Variants in CSGALNACT1 observed in about 807,000 individuals in gnomAD.
CSGALNACT1 encodes the protein beta4GalNAcT-1.
Under a neutral mutation model 51.0 loss-of-function variants are expected in CSGALNACT1, and 52 were observed. The observed-to-expected ratio is 1.02, with a 90% CI of 0.82 to 1.29. The LOEUF is 1.29. Ranked by LOEUF, CSGALNACT1 falls within the 50% of genes most tolerant of loss-of-function variation. The pLI, the probability that CSGALNACT1 is intolerant of heterozygous loss-of-function variation, is 0.00. For missense variants in CSGALNACT1, 935 were observed against 679.2 expected (o/e 1.38, Z -4.19); for synonymous variants, 341 against 254.4 (o/e 1.34, Z -3.24).
At chr8:19,598,270 T>C (rs1314712701) in intron 2 of CSGALNACT1, among the ~76,000 whole-genome samples, 3 of 152,206 alleles carry the variant, frequency 2.0e-5, no homozygotes, top group African/African-American at 7.2e-5. Context: ...CGGATACCCA[T>C]TCATGTGCCA....
intron 1 of CSGALNACT1, among the ~76,000 whole-genome samples, chr8:19,651,886 G>A (rs2057833376): frequency 6.6e-6 from 1 of 150,972 alleles, no homozygotes. Context: ...CAATTAATGT[G>A]TTTCCTTTTC....
At chr8:19,572,088 G>A (rs1349115504) in intron 3 of CSGALNACT1, among the ~76,000 whole-genome samples, 1 of 152,148 alleles carries the variant, frequency 6.6e-6, no homozygotes, top group Admixed American at 6.5e-5. Context: ...GAACAGCAAA[G>A]TCTGCCAGTC....
At chr8:19,532,491 A>C (rs1205139625) in intron 3 of CSGALNACT1, among the ~76,000 whole-genome samples, 1 of 152,198 alleles carries the variant, frequency 6.6e-6, no homozygotes, top group Non-Finnish European at 1.5e-5. Context: ...TCATGACAAA[A>C]GAGCTCCCTA....
At chr8:19,688,529 G>T (rs1024179584) in intron 1 of CSGALNACT1, among the ~76,000 whole-genome samples, 2 of 152,122 alleles carry the variant, frequency 1.3e-5, no homozygotes. Context: ...TGCTGTGCCA[G>T]GAGCCCTGCA....
At position 19,568,429 on chromosome 8, in the gene CSGALNACT1, T is replaced by A. The variant is rs538667971; in HGVS notation, c.-297+22731A>T. Among the ~76,000 whole-genome samples the A allele has an allele frequency of 5.5e-4, 83 of 152,290 alleles. 1 individual carries two copies. Among genetic ancestry groups the A allele is most frequent in the East Asian group, 5.0e-3 (26 of 5,184 alleles). ...ATGTGATTCATCATTGACCCAGACA[T>A]CATTATGCGGTGCATGGCTGTATAA... On this transcript the variant is annotated intron_variant, in intron 3 of 9. Coordinates refer to ENST00000454498, the Ensembl canonical transcript of CSGALNACT1.
intron 1 of CSGALNACT1, among the ~76,000 whole-genome samples, chr8:19,700,907 T>G (rs2061829227): frequency 1.3e-5 from 2 of 152,126 alleles, no homozygotes; most frequent in Admixed American, 1.3e-4. Context: ...GGGCAAAATT[T>G]TTGGAGAAAT....
intron 3 of CSGALNACT1, among the ~76,000 whole-genome samples, chr8:19,567,561 C>T (rs77223539): frequency 0.028 from 4,242 of 152,186 alleles, 199 homozygotes; most frequent in African/African-American, 0.097. Context: ...TCTTCTTTTG[C>T]GATCTGGATT....
At chr8:19,458,266 G>A (rs1160307566) in intron 5 of CSGALNACT1, among the ~76,000 whole-genome samples, 160 bp downstream of exon 4, 4 of 152,200 alleles carry the variant, frequency 2.6e-5, no homozygotes, top group African/African-American at 9.7e-5. Flanking sequence ...TCTAGGGAAA[G>A]GCAAATACAA....
At chr8:19,507,841 A>G (rs1295753682) in intron 3 of CSGALNACT1, among the ~76,000 whole-genome samples, 1 of 152,114 alleles carries the variant, frequency 6.6e-6, no homozygotes, top group East Asian at 1.9e-4. Context: ...GTTGGCCAGG[A>G]TGGTCTCTAT....
upstream of CSGALNACT1, chr8:19,602,744 T>C (rs1311009409): frequency 6.6e-6 from 1 of 151,982 alleles, no homozygotes; most frequent in Non-Finnish European, 1.5e-5. Context: ...ATGTGTCAAC[T>C]AGATAAAAGC....
At chr8:19,750,574 A>G (rs761746304) in intron 1 of CSGALNACT1, among the ~76,000 whole-genome samples, 10 of 152,122 alleles carry the variant, frequency 6.6e-5, no homozygotes, top group Non-Finnish European at 1.3e-4. Flanking sequence ...ATAAGATGTT[A>G]TTATCCCCAT....
At chr8:19,678,727 G>T (rs1016512179) in intron 1 of CSGALNACT1, 1 of 152,106 alleles carries the variant, frequency 6.6e-6, no homozygotes, top group Non-Finnish European at 1.5e-5. Context: ...CATACGTTTT[G>T]ACCCACGAAG....
chr8:19,405,316 G>A (rs756878280), exon 10 of CSGALNACT1: 13 of 454,288 alleles, frequency 2.9e-5, no homozygotes, highest in Non-Finnish European at 4.8e-5. Context: ...ATCATAATAA[G>A]CCTATCTCCT....
intron 8 of CSGALNACT1, among the ~76,000 whole-genome samples, chr8:19,415,074 G>A (rs1395003214): frequency 6.6e-6 from 1 of 152,078 alleles, no homozygotes; most frequent in Non-Finnish European, 1.5e-5. Flanking sequence ...TAGATCCTAA[G>A]CAAATCTCTT....
rs149167318 is a variant in CSGALNACT1, at chr8:19,467,856, T to C, written c.635-9214A>G. ...TAAAAATTAGCCAGGCATGGTTGTA[T>C]GCCCCTGTAGTCCCAGATAGTCAGG... On this transcript the variant is annotated intron_variant, in intron 4 of 9. Transcript: ENST00000454498. Among the ~76,000 whole-genome samples the C allele has an allele frequency of 1.0e-2, 1,520 of 152,218 alleles. 16 individuals are homozygous for C. Among genetic ancestry groups the C allele is most frequent in the South Asian group, 0.041 (197 of 4,818 alleles).
At chr8:19,613,397 C>T (rs917589424) in intron 1 of CSGALNACT1, among the ~76,000 whole-genome samples, 2 of 152,150 alleles carry the variant, frequency 1.3e-5, no homozygotes, top group African/African-American at 2.4e-5. Context: ...CACTAGTAAC[C>T]TTTATCATCG....
At chr8:19,451,824 C>G (rs1032909296) in intron 5 of CSGALNACT1, among the ~76,000 whole-genome samples, 1 of 152,166 alleles carries the variant, frequency 6.6e-6, no homozygotes. Flanking sequence ...GATAATAATC[C>G]GCATAGAACT....
intron 1 of CSGALNACT1, chr8:19,641,842 C>A (rs2056778459): frequency 6.6e-6 from 1 of 152,166 alleles, no homozygotes; most frequent in South Asian, 2.1e-4. Flanking sequence ...ACACAGTGTC[C>A]TCAGCAATTT....
At chr8:19,633,464 A>G (rs998450551) in intron 1 of CSGALNACT1, among the ~76,000 whole-genome samples, 13 of 152,226 alleles carry the variant, frequency 8.5e-5, no homozygotes, top group Non-Finnish European at 1.5e-4. Flanking sequence ...GGCTCATCGC[A>G]GATATAATGA....
Sources: allele counts gnomAD v4.1 joint callset (sites outside exome capture counted in the v4.1 genomes callset), GRCh38; gene constraint gnomAD v4.1.1; transcripts MANE v1.5; gene names NCBI Gene and HGNC (gene_info 2026-07-23, HGNC 2026-07-21).